Variants in MAPT observed in about 807,000 individuals in gnomAD.
MAPT encodes the protein microtubule-associated protein tau.
In MAPT, 34 loss-of-function variants were observed where a neutral mutation model predicts 67.9. The observed-to-expected ratio is 0.50, with a 90% confidence interval of 0.38 to 0.67. The LOEUF (loss-of-function observed/expected upper bound fraction) is 0.67. MAPT is among the 30% of genes least tolerant of loss of function. MAPT has a pLI of 0.00. For synonymous variants in MAPT, 456 were observed against 464.5 expected, an observed-to-expected ratio of 0.98 and a Z score of 0.23; for missense variants, 881 against 1,115.2, an observed-to-expected ratio of 0.79 and a Z score of 2.99.
chr17:45,986,400 A>G (rs17572851), intron 5 of MAPT, among the ~76,000 whole-genome samples: 22,037 of 152,222 alleles, frequency 0.14, 2,129 homozygotes, highest in Non-Finnish European at 0.22. Flanking sequence ...GTTGGTCAGC[A>G]TAAGATGGCC....
chr17:45,947,996 G>T (rs1441889977), intron 1 of MAPT, among the ~76,000 whole-genome samples: 3 of 112,466 alleles, frequency 2.7e-5, no homozygotes, highest in Non-Finnish European at 4.8e-5. Context: ...AGGTTTTTTT[G>T]TTGTTGTTAT....
intron 1 of MAPT, among the ~76,000 whole-genome samples, chr17:45,954,922 T>C (rs1360393641): frequency 6.6e-6 from 1 of 152,042 alleles, no homozygotes; most frequent in East Asian, 1.9e-4. Context: ...AGGTGGAGCT[T>C]GCAGTGAGCC....
intron 1 of MAPT, among the ~76,000 whole-genome samples, chr17:45,948,730 AGTTT>A: frequency 6.6e-6 from 1 of 152,272 alleles, no homozygotes; most frequent in East Asian, 1.9e-4. Flanking sequence ...TCAGCATAAT[AGTTT>A]GTTGTGTGAA....
At chr17:46,017,765 G>A (rs536875166) in intron 11 of MAPT, among the ~76,000 whole-genome samples, 2 of 149,886 alleles carry the variant, frequency 1.3e-5, no homozygotes, top group South Asian at 2.1e-4. Flanking sequence ...GGCCTGAAAG[G>A]GTTCTTATTT....
At chr17:45,959,092 C>G (rs1310672043) in intron 1 of MAPT, among the ~76,000 whole-genome samples, 1 of 152,112 alleles carries the variant, frequency 6.6e-6, no homozygotes, top group Non-Finnish European at 1.5e-5. Context: ...CATATTTAAA[C>G]AACTCTAGGA....
chr17:45,988,817 G>A (rs893514651), intron 6 of MAPT, among the ~76,000 whole-genome samples: 1 of 152,088 alleles, frequency 6.6e-6, no homozygotes, highest in African/African-American at 2.4e-5. Context: ...CCCAAAGGGT[G>A]GAGGCTGCAG....
chr17:45,941,701 G>GCCTTCCTTCCTT (rs1555690435), intron 1 of MAPT, among the ~76,000 whole-genome samples: 18,040 of 73,250 alleles, frequency 0.25, 3,443 homozygotes, highest in East Asian at 0.73. Flanking sequence ...CTTCCTTCCT[G>GCCTTCCTTCCTT]CCTGCCTTCC....
At chr17:45,916,910 A>G (rs903054139) in intron 1 of MAPT, among the ~76,000 whole-genome samples, 1 of 152,090 alleles carries the variant, frequency 6.6e-6, no homozygotes, top group African/African-American at 2.4e-5. Flanking sequence ...TGTGCCCCAC[A>G]TCACCTCCCT....
intron 1 of MAPT, among the ~76,000 whole-genome samples, chr17:45,916,527 C>G (rs969243484): frequency 1.3e-5 from 2 of 152,144 alleles, no homozygotes; most frequent in Non-Finnish European, 2.9e-5. Context: ...TCCCCATCAA[C>G]CATCTGACAA....
chr17:45,968,209 C>CAA (rs144343170), intron 2 of MAPT, among the ~76,000 whole-genome samples: 6 of 112,578 alleles, frequency 5.3e-5, no homozygotes, highest in African/African-American at 1.6e-4. Context: ...CAAAAAACAA[C>CAA]AAAAAAAAAC....
intron 9 of MAPT, chr17:45,999,428 T>C (rs1321089897): frequency 6.2e-7 from 1 of 1,613,998 alleles, no homozygotes; most frequent in East Asian, 2.2e-5. Flanking sequence ...ACCCTCAGCT[T>C]AGCATGGGAA....
Position 45,906,493 on chromosome 17 carries a change from C to T in MAPT, c.-18+11807C>T, listed in dbSNP as rs536487550. On this transcript the variant is annotated intron_variant, in intron 1 of 12. Coordinates refer to ENST00000262410, the MANE Select transcript of MAPT (RefSeq NM_001377265.1). The surrounding 1 kb of genome is among the most constrained non-coding windows in gnomAD (Gnocchi z 4.3). ...TTTGGTGTCAAAGGCACGGGGCAGG[C>T]GCGTTAATTGAACTGCTTGCACCTG... Among the ~76,000 whole-genome samples, 4 of 152,224 alleles carry T rather than the reference C, an allele frequency of 2.6e-5. No individual in the cohort carries two copies. Among genetic ancestry groups the T allele is most frequent in the African/African-American group, 4.8e-5 (2 of 41,542 alleles).
intron 2 of MAPT, among the ~76,000 whole-genome samples, chr17:45,968,102 A>G (rs1480792898): frequency 2.0e-5 from 3 of 152,034 alleles, no homozygotes; most frequent in Non-Finnish European, 4.4e-5. Flanking sequence ...GCGCGCCACA[A>G]ACTATAACCC....
chr17:45,946,615 A>AAAAAAAAAAAAAAAATATATATATAT, intron 1 of MAPT, among the ~76,000 whole-genome samples: 1 of 100,404 alleles, frequency 1.0e-5, no homozygotes, highest in Non-Finnish European at 2.0e-5. Flanking sequence ...AAAAAAAAAA[A>AAAAAAAAAAAAAAAATATATATATAT]ATATATATAT....
chr17:45,992,624 C>T (rs530749761), intron 8 of MAPT, among the ~76,000 whole-genome samples: 1 of 152,052 alleles, frequency 6.6e-6, no homozygotes, highest in South Asian at 2.1e-4. Context: ...CGTGGTGGCT[C>T]ATGCCTGTAA....
intron 1 of MAPT, among the ~76,000 whole-genome samples, chr17:45,917,895 TC>T (rs902981268): frequency 6.6e-6 from 1 of 151,962 alleles, no homozygotes; most frequent in African/African-American, 2.4e-5. Flanking sequence ...TGTCTCGGCC[TC>T]CCGAGCAGCA....
chr17:45,983,712 T>A lies in MAPT; in HGVS notation c.1133T>A (p.Phe378Tyr). 1.2e-6 allele frequency: 2 copies of A among 1,614,150 alleles called. No homozygotes were observed. The highest frequency in any genetic ancestry group is 1.7e-6 in the Non-Finnish European group (2 of 1,180,014). ...KGQDAPLEFTFHVEITPNVQK... is the reference protein window; with the variant it reads ...KGQDAPLEFTYHVEITPNVQK... The stretch of plus-strand genomic sequence containing the variant: ...CAGGATGCCCCCCTGGAGTTCACGT[T>A]TCACGTGGAAATCACACCCAACGTG... Residue 378 changes from phenylalanine (F) to tyrosine (Y), a missense_variant, in exon 5 of 13, where the codon TTT becomes TAT. Physicochemically the swap from Phe to Tyr is conservative, Grantham distance 22. Transcript: ENST00000262410.
chr17:45,985,745 G>A (rs573338232), intron 5 of MAPT: 77 of 985,364 alleles, frequency 7.8e-5, no homozygotes, highest in South Asian at 2.3e-4. Context: ...CAAAGAACAC[G>A]TGAGTCAGAT....
chr17:45,989,450 A>G (rs1598297182), intron 6 of MAPT, among the ~76,000 whole-genome samples: 1 of 152,120 alleles, frequency 6.6e-6, no homozygotes, highest in African/African-American at 2.4e-5. Context: ...GGAGATCGAG[A>G]CCATCCTGGC....
Sources: allele counts gnomAD v4.1 joint callset (sites outside exome capture counted in the v4.1 genomes callset), GRCh38; gene constraint gnomAD v4.1.1; non-coding constraint Gnocchi (gnomAD v3.1); transcripts MANE v1.5; gene names NCBI Gene and HGNC (gene_info 2026-07-23, HGNC 2026-07-21).